LIMCH1: variants seen among roughly 807,000 people sequenced by gnomAD.
The protein encoded by LIMCH1 is LIM and calponin homology domains 1, also known as LIM and calponin homology domains-containing protein 1.
Under a neutral mutation model 176.5 loss-of-function variants are expected in LIMCH1, and 113 were observed. The ratio of observed to expected loss-of-function variants is 0.64; its 90% CI spans 0.55 to 0.75. The LOEUF is 0.75. LIMCH1 is among the 30% of genes least tolerant of loss of function. LIMCH1 has a pLI of 0.00. For synonymous variants in LIMCH1, 619 were observed against 645.9 expected (o/e 0.96, Z 0.63); for missense variants, 1,674 against 1,814.9 (o/e 0.92, Z 1.41).
At chr4:41,423,366 A>G (rs908864448) in intron 1 of LIMCH1, among the ~76,000 whole-genome samples, 10 of 152,184 alleles carry the variant, frequency 6.6e-5, no homozygotes, top group African/African-American at 2.4e-4. Flanking sequence ...ATGCACACCA[A>G]CATGATCAAG....
chr4:41,558,951 A>T (rs1168151273), intron 1 of LIMCH1, among the ~76,000 whole-genome samples: 1 of 152,112 alleles, frequency 6.6e-6, no homozygotes, highest in African/African-American at 2.4e-5. Flanking sequence ...TAAATGTTTG[A>T]CTTACTAATG....
At chr4:41,628,361 G>T (rs991712466) in intron 8 of LIMCH1, among the ~76,000 whole-genome samples, 1 of 150,668 alleles carries the variant, frequency 6.6e-6, no homozygotes, top group African/African-American at 2.4e-5. Context: ...GTTTGCGGAC[G>T]CAGTTCTGGG....
chr4:41,493,348 A>G (rs1256003879), intron 1 of LIMCH1, among the ~76,000 whole-genome samples: 1 of 149,964 alleles, frequency 6.7e-6, no homozygotes, highest in Non-Finnish European at 1.5e-5. Context: ...CTATAACTTT[A>G]TTTTGCTATT....
intron 1 of LIMCH1, among the ~76,000 whole-genome samples, chr4:41,493,618 C>T (rs1156635800): frequency 6.6e-6 from 1 of 152,124 alleles, no homozygotes; most frequent in Non-Finnish European, 1.5e-5. Flanking sequence ...CATTTTTTAT[C>T]AGAGACTTGA....
intron 21 of LIMCH1, among the ~76,000 whole-genome samples, chr4:41,668,009 A>G (rs970724326): frequency 6.6e-6 from 1 of 152,152 alleles, no homozygotes; most frequent in Admixed American, 6.5e-5. Flanking sequence ...TTTTTTAAAA[A>G]AAGAAACAGC....
chr4:41,372,056 A>T (rs1161524728), intron 1 of LIMCH1, among the ~76,000 whole-genome samples: 1 of 152,192 alleles, frequency 6.6e-6, no homozygotes, highest in East Asian at 1.9e-4. Flanking sequence ...AGGGAGGTGA[A>T]CACCCCTCTT....
At chr4:41,402,971 T>C (rs2058612564) in intron 1 of LIMCH1, among the ~76,000 whole-genome samples, 2 of 131,700 alleles carry the variant, frequency 1.5e-5, no homozygotes, top group African/African-American at 6.8e-5. Context: ...AAAGGTAAAG[T>C]ATAATAATAA....
intron 1 of LIMCH1, among the ~76,000 whole-genome samples, chr4:41,555,464 G>C (rs2081108570): frequency 6.6e-6 from 1 of 152,178 alleles, no homozygotes; most frequent in Non-Finnish European, 1.5e-5. Context: ...TAAAGCTGGG[G>C]TGTGAGTACT....
At chr4:41,411,109 G>A (rs564314601) in intron 1 of LIMCH1, among the ~76,000 whole-genome samples, 1 of 152,292 alleles carries the variant, frequency 6.6e-6, no homozygotes, top group Admixed American at 6.5e-5. Flanking sequence ...TTTTTACAGT[G>A]TGTATTTTCA....
At chr4:41,622,576 G>T (rs2092662602) in intron 7 of LIMCH1, among the ~76,000 whole-genome samples, 1 of 152,152 alleles carries the variant, frequency 6.6e-6, no homozygotes, top group African/African-American at 2.4e-5. Context: ...ACATAGAGAA[G>T]AGAAGTGGGG....
intron 4 of LIMCH1, among the ~76,000 whole-genome samples, chr4:41,606,726 C>T (rs1238143993): frequency 6.6e-6 from 1 of 152,198 alleles, no homozygotes; most frequent in Non-Finnish European, 1.5e-5. Context: ...ATAGTGTTAC[C>T]CAGGAGAGGC....
At chr4:41,678,291 T>C (rs1460406316) in intron 23 of LIMCH1, among the ~76,000 whole-genome samples, 1 of 151,962 alleles carries the variant, frequency 6.6e-6, no homozygotes, top group African/African-American at 2.4e-5. Flanking sequence ...TGGTAGACAG[T>C]GATTTAGATA....
Position 41,661,498 on chromosome 4 carries a change from C to T in LIMCH1, c.3115C>T (p.Leu1039Phe). 1 of 1,607,374 alleles carries T rather than the reference C, an allele frequency of 6.2e-7. No individual in the cohort carries two copies. The highest frequency in any genetic ancestry group is 8.5e-7 in the Non-Finnish European group (1 of 1,174,948). Residue 1039 changes from leucine to phenylalanine, a missense_variant, in exon 19 of 32, where the codon CTT (leucine) becomes TTT (phenylalanine). Transcript: ENST00000503057. ...AAAATCAAGAAAAGGGAATATAGAA[C>T]TTGCCTCATCAGGTTTGTTTCATAA... is the stretch of plus-strand genomic sequence containing the variant. ...GGKSRKGNIE[L>F]ASSEPQHFTT... is the part of the protein sequence containing the mutation.
rs570327707 is a variant in LIMCH1, at chr4:41,610,066, C to T, written c.10-3400C>T. On this transcript the variant is annotated intron_variant, in intron 4 of 31. Transcript: ENST00000503057. ...TCAAACTGGCCATGCCATTCAGCTCCCAGCTCTTGCACTTGGTCCAAGGTT... is the reference window on the plus strand; with the variant it reads ...TCAAACTGGCCATGCCATTCAGCTCTCAGCTCTTGCACTTGGTCCAAGGTT... Among the ~76,000 whole-genome samples, 3 of 152,340 alleles carry T rather than the reference C, an allele frequency of 2.0e-5. No individual in the cohort carries two copies. In the South Asian group the frequency reaches 6.2e-4, roughly 32 times the overall value.
At chr4:41,661,045 T>C (rs1361957316) in intron 18 of LIMCH1, among the ~76,000 whole-genome samples, 1 of 152,126 alleles carries the variant, frequency 6.6e-6, no homozygotes, top group Non-Finnish European at 1.5e-5. Context: ...GAGAAGTTAA[T>C]TGTAACCTTT....
At chr4:41,669,988 G>A (rs967449409) in intron 21 of LIMCH1, among the ~76,000 whole-genome samples, 2 of 152,160 alleles carry the variant, frequency 1.3e-5, no homozygotes, top group Non-Finnish European at 2.9e-5. Flanking sequence ...CCCTAATGAT[G>A]TTCCACACGT....
intron 18 of LIMCH1, among the ~76,000 whole-genome samples, chr4:41,653,197 T>C (rs2094359294): frequency 6.6e-6 from 1 of 152,074 alleles, no homozygotes; most frequent in Non-Finnish European, 1.5e-5. Context: ...ATACCACAAG[T>C]TTTCCATTCA....
intron 1 of LIMCH1, among the ~76,000 whole-genome samples, chr4:41,445,825 C>T (rs1253604857): frequency 1.3e-5 from 2 of 152,158 alleles, no homozygotes; most frequent in African/African-American, 4.8e-5. Flanking sequence ...TTGGCAGTAC[C>T]TTTCTCTTCC....
chr4:41,445,251 G>A (rs192597775), intron 1 of LIMCH1, among the ~76,000 whole-genome samples: 32 of 152,178 alleles, frequency 2.1e-4, no homozygotes, highest in Admixed American at 1.0e-3. Context: ...TGATCCACCT[G>A]CCTCAGCCTC....
Sources: gnomAD v4.1 joint callset for allele counts (sites outside exome capture counted in the v4.1 genomes callset) on GRCh38, gnomAD v4.1.1 for gene constraint, MANE v1.5 for transcripts, NCBI Gene and HGNC (gene_info 2026-07-23, HGNC 2026-07-21) for gene names.